NECTIN1: variants seen among roughly 807,000 people sequenced by gnomAD.
NECTIN1 encodes the protein nectin cell adhesion molecule 1.
A neutral mutation model predicts 48.0 loss-of-function variants in NECTIN1; 23 were observed. The ratio of observed to expected loss-of-function variants is 0.48; its 90% CI spans 0.34 to 0.68. NECTIN1 has a LOEUF of 0.68. NECTIN1 is among the 30% of genes least tolerant of loss of function. The pLI, the probability that NECTIN1 is intolerant of heterozygous loss-of-function variation, is 0.01. For synonymous variants in NECTIN1, 270 were observed against 288.9 expected (o/e 0.93, Z 0.66); for missense variants, 591 against 709.9 (o/e 0.83, Z 1.90).
In NECTIN1 at chr11:119,665,852, C is replaced by A. The variant is rs891806947; in HGVS notation, c.1004-555G>T. Among the ~76,000 whole-genome samples the A allele has an allele frequency of 2.6e-5, 4 of 152,214 alleles. No individual in the cohort carries two copies. Among genetic ancestry groups the A allele is most frequent in the African/African-American group, 9.6e-5 (4 of 41,466 alleles). ...ACCTGGCAGTCACTCTGCCCCAACA[C>A]TATCAACTTGGCTTCCAAGACCCAG... On this transcript the variant is annotated intron_variant, in intron 5 of 5. Coordinates refer to ENST00000264025, the MANE Select transcript of NECTIN1 (RefSeq NM_002855.5). This position sits in a 1 kb window ranked among gnomAD's most constrained non-coding sequence, Gnocchi z 5.1.
In NECTIN1 at chr11:119,709,693, C is replaced by CG. The variant is rs1485090268; in HGVS notation, c.79+18781dup. ...GGGGCTGGGAGAGGAGAGTGATGCT[C>CG]GGGGACTCCCCAACTCTCAGGCAGG... is the stretch of plus-strand genomic sequence containing the variant. On this transcript the variant is annotated intron_variant, in intron 1 of 5. Transcript: ENST00000264025. The surrounding 1 kb of genome is among the most constrained non-coding windows in gnomAD (Gnocchi z 4.1). Among the ~76,000 whole-genome samples the CG allele has an allele frequency of 1.4e-4, 21 of 152,042 alleles. 1 individual carries two copies. Among genetic ancestry groups the CG allele is most frequent in the Admixed American group, 1.4e-3 (21 of 15,276 alleles).
chr11:119,692,331 C>T (rs1180225652), intron 1 of NECTIN1, among the ~76,000 whole-genome samples: 1 of 152,244 alleles, frequency 6.6e-6, no homozygotes, highest in Non-Finnish European at 1.5e-5. Flanking sequence ...GCTTCCCTTC[C>T]CTTCCCTCCT....
At chr11:119,693,729 G>A (rs573272027) in intron 1 of NECTIN1, among the ~76,000 whole-genome samples, 2 of 152,184 alleles carry the variant, frequency 1.3e-5, no homozygotes, top group Non-Finnish European at 2.9e-5. Context: ...AATGTTGGAC[G>A]GTGAAGCCGG....
At chr11:119,639,680 G>A (rs767408714) in intron 6 of NECTIN1, 30 of 709,854 alleles carry the variant, frequency 4.2e-5, no homozygotes, top group Non-Finnish European at 6.6e-5. Flanking sequence ...TGCCTGGCAC[G>A]TAGCAATCAC....
intron 1 of NECTIN1, among the ~76,000 whole-genome samples, chr11:119,726,318 G>A (rs1172882184): frequency 6.6e-6 from 1 of 152,110 alleles, no homozygotes; most frequent in Non-Finnish European, 1.5e-5. Flanking sequence ...GTGTCAGACT[G>A]GGCACAACCA....
At chr11:119,676,479 G>A (rs7122738) in intron 4 of NECTIN1, among the ~76,000 whole-genome samples, 21,901 of 152,184 alleles carry the variant, frequency 0.14, 4,550 homozygotes, top group African/African-American at 0.46. Flanking sequence ...GGTTCCCCAC[G>A]TCCCTGTCTT....
intron 5 of NECTIN1, among the ~76,000 whole-genome samples, chr11:119,645,332 T>TCGGAAGGTCTGGGGCA (rs1349597761): frequency 1.3e-5 from 2 of 152,108 alleles, no homozygotes; most frequent in Non-Finnish European, 2.9e-5. Flanking sequence ...CCTCCTGTGT[T>TCGGAAGGTCTGGGGCA]CGGAAGGTCT....
At chr11:119,689,424 A>G (rs1450552407) in intron 1 of NECTIN1, among the ~76,000 whole-genome samples, 2 of 152,116 alleles carry the variant, frequency 1.3e-5, no homozygotes, top group Non-Finnish European at 2.9e-5. Flanking sequence ...CACTCCCAGC[A>G]CTTCCATCCA....
intron 5 of NECTIN1, among the ~76,000 whole-genome samples, chr11:119,667,549 C>T (rs925389273): frequency 5.9e-5 from 9 of 152,100 alleles, no homozygotes; most frequent in African/African-American, 1.2e-4. Flanking sequence ...TGGAGGAGGC[C>T]GGACTTGGAG....
intron 1 of NECTIN1, among the ~76,000 whole-genome samples, chr11:119,698,023 G>A (rs998034335): frequency 6.6e-6 from 1 of 152,266 alleles, no homozygotes; most frequent in African/African-American, 2.4e-5. Context: ...GTTTTGGCAT[G>A]GCAGAGCTCT....
chr11:119,660,483 G>T (rs1864642509), downstream of NECTIN1, among the ~76,000 whole-genome samples: 3 of 152,134 alleles, frequency 2.0e-5, no homozygotes, highest in Admixed American at 6.5e-5. Flanking sequence ...AAGATGAAAG[G>T]ATAAAGCTCT....
chr11:119,639,121 G>A (rs1864282815), intron 6 of NECTIN1, among the ~76,000 whole-genome samples: 1 of 152,182 alleles, frequency 6.6e-6, no homozygotes, highest in Admixed American at 6.5e-5. Flanking sequence ...AGCACTGTGG[G>A]CCCTCACCCA....
rs573683077 is a variant in NECTIN1 at position 119,678,220 on chromosome 11, G to C, written c.430+195C>G. 1.6e-4 allele frequency among the ~76,000 whole-genome samples: 25 copies of C among 152,348 alleles called. No individual in the cohort carries two copies. Among genetic ancestry groups the C allele is most frequent in the African/African-American group, 6.0e-4 (25 of 41,582 alleles). On this transcript the variant is annotated intron_variant, in intron 2 of 5. Coordinates refer to ENST00000264025, the MANE Select transcript of NECTIN1 (RefSeq NM_002855.5). This position sits in a 1 kb window ranked among gnomAD's most constrained non-coding sequence, Gnocchi z 4.4. The stretch of plus-strand genomic sequence containing the variant: ...AGAATCACGTTCCCCACTGTCTAGA[G>C]ATAAGCCCCTGCCCCTAATCCCTAG...
At chr11:119,644,255 G>A (rs1458646681) in intron 5 of NECTIN1, among the ~76,000 whole-genome samples, 1 of 152,192 alleles carries the variant, frequency 6.6e-6, no homozygotes, top group Non-Finnish European at 1.5e-5. Context: ...GGTTCATTCT[G>A]GGGGCTGCAG....
intron 1 of NECTIN1, among the ~76,000 whole-genome samples, chr11:119,698,636 T>C (rs1443347140): frequency 6.6e-6 from 1 of 152,224 alleles, no homozygotes; most frequent in African/African-American, 2.4e-5. Flanking sequence ...TTCCACTCAT[T>C]GGCAAGTTGC....
intron 5 of NECTIN1, among the ~76,000 whole-genome samples, chr11:119,654,459 AC>A (rs1864538325): frequency 1.3e-5 from 2 of 150,538 alleles, no homozygotes; most frequent in African/African-American, 2.5e-5. Context: ...TCACCCCTCC[AC>A]CCCCATTCCC....
chr11:119,728,346 T>A, intron 1 of NECTIN1, 129 bp downstream of exon 1: 1 of 875,488 alleles, frequency 1.1e-6, no homozygotes, highest in Non-Finnish European at 1.8e-6. Flanking sequence ...CCCACCCCCT[T>A]TACCCAAGCC....
At chr11:119,668,278 C>T (rs1261204172) in intron 5 of NECTIN1, among the ~76,000 whole-genome samples, 4 of 152,196 alleles carry the variant, frequency 2.6e-5, no homozygotes, top group South Asian at 2.1e-4. Flanking sequence ...CTGCTGTGGT[C>T]GATTCCTAAA....
chr11:119,676,072 C>A (rs1442259825), intron 4 of NECTIN1, among the ~76,000 whole-genome samples: 1 of 151,906 alleles, frequency 6.6e-6, no homozygotes, highest in Non-Finnish European at 1.5e-5. Flanking sequence ...GAAGCAGAAC[C>A]ACTGGGGCAA....
Sources: gnomAD v4.1 joint callset for allele counts (sites outside exome capture counted in the v4.1 genomes callset) on GRCh38, gnomAD v4.1.1 for gene constraint, Gnocchi (gnomAD v3.1) non-coding constraint, MANE v1.5 for transcripts, NCBI Gene and HGNC (gene_info 2026-07-23, HGNC 2026-07-21) for gene names.